SNX7: variants seen among roughly 807,000 people sequenced by gnomAD.
The protein encoded by SNX7 is sorting nexin-7.
Under a neutral mutation model 48.4 loss-of-function variants are expected in SNX7, and 35 were observed. The ratio of observed to expected loss-of-function variants is 0.72; its 90% CI spans 0.55 to 0.96. SNX7 has a LOEUF of 0.96. Among genes scored for constraint, SNX7 ranks in the 40% least tolerant of loss-of-function variants. The probability of loss-of-function intolerance (pLI) is 0.00; values close to 1 mark genes in which losing one functional copy is unlikely to be tolerated. For synonymous variants in SNX7, 190 were observed against 190.2 expected, an observed-to-expected ratio of 1.00 and a Z score of 0.01; for missense variants, 553 against 548.9, an observed-to-expected ratio of 1.01 and a Z score of -0.07.
At chr1:98,705,529 G>A (rs1651964503) in intron 7 of SNX7, among the ~76,000 whole-genome samples, 1 of 152,160 alleles carries the variant, frequency 6.6e-6, no homozygotes, top group South Asian at 2.1e-4. Flanking sequence ...TTTAGCTGTT[G>A]TCATTTTGAT....
At chr1:98,745,578 A>T (rs1404242857) in intron 8 of SNX7, among the ~76,000 whole-genome samples, 3 of 152,102 alleles carry the variant, frequency 2.0e-5, no homozygotes, top group Admixed American at 6.6e-5. Flanking sequence ...AATTGAATAG[A>T]TTCCACTTAC....
chr1:98,746,379 T>C (rs1654310146), intron 8 of SNX7, among the ~76,000 whole-genome samples: 1 of 152,102 alleles, frequency 6.6e-6, no homozygotes, highest in Non-Finnish European at 1.5e-5. Flanking sequence ...TTACTCCCAT[T>C]TAGGTTATAC....
chr1:98,715,827 G>A (rs561915131), intron 7 of SNX7, among the ~76,000 whole-genome samples: 1 of 152,008 alleles, frequency 6.6e-6, no homozygotes, highest in Non-Finnish European at 1.5e-5. Flanking sequence ...CAATATCTTG[G>A]CATTAGATGT....
At position 98,729,544 on chromosome 1, in the gene SNX7, A is replaced by G. The variant is rs558297340; in HGVS notation, c.1126-8693A>G. On this transcript the variant is annotated intron_variant, in intron 7 of 8. Transcript: ENST00000306121. The stretch of plus-strand genomic sequence containing the variant: ...TTAGTAATGAAGAAAAGAGAGAAGA[A>G]TCAAATAGACACAATAAAAAATGAT... Among the ~76,000 whole-genome samples the G allele has an allele frequency of 1.9e-3, 296 of 152,114 alleles. 2 individuals carry two copies. Among genetic ancestry groups the G allele is most frequent in the African/African-American group, 6.7e-3 (278 of 41,522 alleles).
chr1:98,742,412 A>G (rs573449757), intron 8 of SNX7, among the ~76,000 whole-genome samples: 1 of 152,220 alleles, frequency 6.6e-6, no homozygotes, highest in South Asian at 2.1e-4. Context: ...TCTTGGAGAT[A>G]GCGCTGTCCT....
intron 8 of SNX7, among the ~76,000 whole-genome samples, chr1:98,748,914 A>G (rs1654441244): frequency 6.6e-6 from 1 of 152,146 alleles, no homozygotes; most frequent in Non-Finnish European, 1.5e-5. Context: ...CTATAAAATA[A>G]TGTGCTTAAA....
intron 1 of SNX7, among the ~76,000 whole-genome samples, chr1:98,677,591 G>T (rs1312012405): frequency 6.6e-6 from 1 of 152,100 alleles, no homozygotes; most frequent in Non-Finnish European, 1.5e-5. Flanking sequence ...AGAAATAGAG[G>T]TATATAGGCC....
chr1:98,714,782 G>A (rs1248517155), intron 7 of SNX7, among the ~76,000 whole-genome samples: 1 of 152,180 alleles, frequency 6.6e-6, no homozygotes, highest in Non-Finnish European at 1.5e-5. Context: ...CAGCACTATG[G>A]CATGAGGACT....
intron 7 of SNX7, among the ~76,000 whole-genome samples, chr1:98,714,861 G>T (rs1652505109): frequency 1.3e-5 from 2 of 152,044 alleles, no homozygotes; most frequent in South Asian, 2.1e-4. Flanking sequence ...GCCCCTGAAG[G>T]GTTTCAAGTG....
chr1:98,720,089 G>A (rs1440258279), intron 7 of SNX7, among the ~76,000 whole-genome samples: 1 of 151,636 alleles, frequency 6.6e-6, no homozygotes, highest in African/African-American at 2.4e-5. Flanking sequence ...TGTTCTCTTG[G>A]TCTGTTAATG....
intron 1 of SNX7, among the ~76,000 whole-genome samples, chr1:98,674,005 T>C (rs1441192397): frequency 6.6e-6 from 1 of 152,222 alleles, no homozygotes; most frequent in African/African-American, 2.4e-5. Context: ...CTGGTTTCTA[T>C]CTTTGAGGAA....
At position 98,698,787 on chromosome 1, in the gene SNX7, A is replaced by G. The variant is rs752873374; in HGVS notation, c.920A>G (p.Lys307Arg). 6.2e-7 allele frequency: 1 copy of G among 1,613,834 alleles called. No homozygotes were observed. Among genetic ancestry groups the G allele is most frequent in the East Asian group, 2.2e-5 (1 of 44,876 alleles). ...ASEEDLVDTL[K>R]DVASCIDRCC... ...GAAGAGGATCTGGTTGATACTCTAA[A>G]GGATGTTGCCAGCTGCATTGACAGA... The change falls in exon 6 of 9, where the codon AAG (lysine) becomes AGG (arginine). Residue 307 changes from lysine (K) to arginine (R), a missense_variant. Transcript: ENST00000306121.
rs1030525724 is a variant in SNX7, at chr1:98,691,222, A to T, written c.474+37A>T. 7 of 1,341,780 alleles carry T rather than the reference A, an allele frequency of 5.2e-6. No individual in the cohort carries two copies. The African/African-American group carries it at 7.3e-5, about 14-fold the overall frequency. The allele number at this position is 1,341,780 out of a possible 1,614,324, so 83.1% of individuals were successfully genotyped here. A position where few individuals can be genotyped will look rare whatever the true frequency, so the allele number is the denominator to read the frequency against. On this transcript the variant is annotated intron_variant, in intron 3 of 8. Coordinates refer to ENST00000306121, the MANE Select transcript of SNX7 (RefSeq NM_015976.5). ...AAATTTTTTTTTTCATAGAATAGCT[A>T]CCAGTTTTCTAGTGAGTCTTTTTGA... is the stretch of plus-strand genomic sequence containing the variant.
intron 6 of SNX7, among the ~76,000 whole-genome samples, chr1:98,701,330 A>G (rs1374270904): frequency 1.3e-5 from 2 of 152,122 alleles, no homozygotes; most frequent in African/African-American, 4.8e-5. Context: ...GCATACTTCA[A>G]TTTTCTGATT....
rs142938492 is a variant in SNX7, at chr1:98,736,282, C to T, written c.1126-1955C>T. On this transcript the variant is annotated intron_variant, in intron 7 of 8. Transcript: ENST00000306121. ...TAACAGTGTGGTTACAATTGATGTA[C>T]GTACCCCTTGATCCTAGATGGAGGC... Among the ~76,000 whole-genome samples the T allele has an allele frequency of 1.2e-3, 180 of 152,284 alleles. 2 individuals carry two copies. Among genetic ancestry groups the T allele is most frequent in the Non-Finnish European group, 2.8e-4 (19 of 68,026 alleles).
intron 7 of SNX7, among the ~76,000 whole-genome samples, chr1:98,717,109 TTTTTTC>T (rs762044534): frequency 2.0e-5 from 3 of 152,122 alleles, no homozygotes; most frequent in Admixed American, 6.6e-5. Flanking sequence ...TTGAAAGTCT[TTTTTTC>T]TTTCAAGGAA....
chr1:98,710,809 T>C (rs1652260373), intron 7 of SNX7, among the ~76,000 whole-genome samples: 2 of 152,230 alleles, frequency 1.3e-5, no homozygotes, highest in Non-Finnish European at 2.9e-5. Context: ...AGGCTTTGAT[T>C]CACTTTTATT....
chr1:98,699,541 T>G (rs778681751), intron 6 of SNX7, among the ~76,000 whole-genome samples: 1 of 152,176 alleles, frequency 6.6e-6, no homozygotes, highest in Non-Finnish European at 1.5e-5. Context: ...TACAATACTT[T>G]ACACAGGCAA....
At chr1:98,757,836 A>G (rs539888523) in intron 8 of SNX7, among the ~76,000 whole-genome samples, 1 of 152,136 alleles carries the variant, frequency 6.6e-6, no homozygotes, top group Non-Finnish European at 1.5e-5. Flanking sequence ...CTTGATCACT[A>G]CACTATACTT....
Sources: gnomAD v4.1 joint callset for allele counts (sites outside exome capture counted in the v4.1 genomes callset) on GRCh38, gnomAD v4.1.1 for gene constraint, MANE v1.5 for transcripts, NCBI Gene and HGNC (gene_info 2026-07-23, HGNC 2026-07-21) for gene names.